Variants in UBAP2 observed in about 807,000 individuals in gnomAD.
UBAP2 encodes the protein ubiquitin-associated protein 2.
In UBAP2, 75 loss-of-function variants were observed where a neutral mutation model predicts 139.6. The ratio of observed to expected loss-of-function variants is 0.54; its 90% CI spans 0.45 to 0.65. UBAP2 has a LOEUF of 0.65. UBAP2 is among the 30% of genes least tolerant of loss of function. UBAP2 has a pLI of 0.00. For synonymous variants in UBAP2, 526 were observed against 526.2 expected, an observed-to-expected ratio of 1.00 and a Z score of 0.01; for missense variants, 1,368 against 1,369.6, an observed-to-expected ratio of 1.00 and a Z score of 0.02.
At chr9:33,926,783 G>A in intron 21 of UBAP2, 119 bp from the exon 22 acceptor site, 3 of 1,139,334 alleles carry the variant, frequency 2.6e-6, no homozygotes, top group Non-Finnish European at 4.0e-6. Flanking sequence ...ATGGGATCTG[G>A]ATTAGCTGTT....
intron 16 of UBAP2, among the ~76,000 whole-genome samples, chr9:33,939,091 C>T (rs1474376449): frequency 1.3e-5 from 2 of 151,602 alleles, no homozygotes; most frequent in African/African-American, 4.8e-5. Flanking sequence ...TTATATGTTC[C>T]AAGATTCTAT....
chr9:33,974,153 G>A (rs568492483), intron 6 of UBAP2, among the ~76,000 whole-genome samples: 17 of 152,244 alleles, frequency 1.1e-4, no homozygotes, highest in South Asian at 4.1e-4. Flanking sequence ...TCAAACCACT[G>A]TATGCAAGCC....
rs532759926 is a variant in UBAP2, at chr9:34,048,139, T to C, written c.-42+686A>G. 2.0e-5 allele frequency among the ~76,000 whole-genome samples: 3 copies of C among 152,316 alleles called. No homozygotes were observed. The South Asian group carries it at 6.2e-4, about 32-fold the overall frequency. ...GTGATTCAGAGGCAAACAACTGAGT[T>C]GTAATGCACCAATGAAAGAATAACA... is the stretch of plus-strand genomic sequence containing the variant. On this transcript the variant is annotated intron_variant, in intron 1 of 28. Coordinates refer to ENST00000379238, the MANE Select transcript of UBAP2 (RefSeq NM_001370062.2).
chr9:33,933,792 T>A, intron 17 of UBAP2, 164 bp from the exon 18 acceptor site: 1 of 481,438 alleles, frequency 2.1e-6, no homozygotes, highest in African/African-American at 2.1e-5. Context: ...CAGATAGCCC[T>A]TTGTCTGTCA....
Position 33,938,677 on chromosome 9 carries a change from T to C in UBAP2, c.1930-2799A>G, listed in dbSNP as rs144926944. Among the ~76,000 whole-genome samples, 330 of 151,212 alleles carry C rather than the reference T, an allele frequency of 2.2e-3. 1 individual carries two copies. Among genetic ancestry groups the C allele is most frequent in the African/African-American group, 7.4e-3 (303 of 41,178 alleles). On this transcript the variant is annotated intron_variant, in intron 16 of 28. Coordinates refer to ENST00000379238, the MANE Select transcript of UBAP2 (RefSeq NM_001370062.2). The stretch of plus-strand genomic sequence containing the variant: ...CCAGCATGGTGATGGGTGCCTGTAA[T>C]CACAGCTACTAGGGAGGCTGAGGCA...
intron 6 of UBAP2, among the ~76,000 whole-genome samples, chr9:33,985,322 A>G (rs1352134679): frequency 6.6e-6 from 1 of 152,210 alleles, no homozygotes; most frequent in Non-Finnish European, 1.5e-5. Flanking sequence ...ATGAGCATTT[A>G]TCATTTCTAT....
At chr9:33,991,163 G>A (rs1018766761) in intron 4 of UBAP2, among the ~76,000 whole-genome samples, 3 of 152,098 alleles carry the variant, frequency 2.0e-5, no homozygotes, top group Admixed American at 2.0e-4. Flanking sequence ...GCAGGCACCT[G>A]TAATCCCAGC....
In UBAP2 at chr9:33,948,597, G is replaced by A; in HGVS notation, c.1057-10C>T. 6.2e-7 allele frequency: 1 copy of A among 1,612,478 alleles called. No individual in the cohort carries two copies. Among genetic ancestry groups the A allele is most frequent in the South Asian group, 1.1e-5 (1 of 90,964 alleles). On this transcript the variant is annotated splice_polypyrimidine_tract_variant and intron_variant, in intron 12 of 28. Coordinates refer to ENST00000379238, the MANE Select transcript of UBAP2 (RefSeq NM_001370062.2). ...AGCCAAGGACGGATGACTTTAAAAGGGGGATAAAAGAACAAATCCTCAACA... is the reference window on the plus strand; with the variant it reads ...AGCCAAGGACGGATGACTTTAAAAGAGGGATAAAAGAACAAATCCTCAACA...
chr9:33,939,748 AGGGGGGGAG>A (rs1824926615), intron 16 of UBAP2, among the ~76,000 whole-genome samples: 1 of 44,446 alleles, frequency 2.2e-5, no homozygotes, highest in Non-Finnish European at 4.3e-5. Flanking sequence ...GGGAGGGAGA[AGGGGGGGAG>A]GGGGAGGGGG....
At chr9:34,036,200 C>T (rs888581523) in intron 1 of UBAP2, among the ~76,000 whole-genome samples, 11 of 151,496 alleles carry the variant, frequency 7.3e-5, no homozygotes, top group African/African-American at 2.7e-4. Flanking sequence ...CTGCAACCTC[C>T]GCCTCCCAGG....
chr9:34,020,465 G>A (rs1487314911), intron 1 of UBAP2, among the ~76,000 whole-genome samples: 1 of 151,726 alleles, frequency 6.6e-6, no homozygotes, highest in East Asian at 2.0e-4. Context: ...ACTGGGACCA[G>A]AGGCACGCGC....
At chr9:33,933,031 C>G (rs1824132413) in intron 18 of UBAP2, among the ~76,000 whole-genome samples, 1 of 152,238 alleles carries the variant, frequency 6.6e-6, no homozygotes, top group African/African-American at 2.4e-5. Flanking sequence ...TGATGGAGAA[C>G]ACTCCTCAGA....
intron 16 of UBAP2, among the ~76,000 whole-genome samples, chr9:33,937,289 C>G (rs920271180): frequency 2.0e-5 from 3 of 152,022 alleles, no homozygotes; most frequent in Non-Finnish European, 4.4e-5. Context: ...GTAAAATTAT[C>G]TAGCATGTAG....
intron 2 of UBAP2, among the ~76,000 whole-genome samples, chr9:34,016,251 G>A (rs183938457): frequency 0.023 from 422 of 18,188 alleles, 1 homozygote; most frequent in East Asian, 0.083. Context: ...AGGAAGAGGA[G>A]GAGGAGGAAG....
intron 15 of UBAP2, among the ~76,000 whole-genome samples, chr9:33,942,564 C>A (rs1222138814): frequency 1.3e-5 from 2 of 151,558 alleles, no homozygotes; most frequent in Non-Finnish European, 2.9e-5. Context: ...CCTGTCTCTA[C>A]AAAACATATT....
chr9:34,034,887 CA>C (rs56178729), intron 1 of UBAP2, among the ~76,000 whole-genome samples: 133,108 of 151,294 alleles, frequency 0.88, 58,569 homozygotes, highest in Middle Eastern at 0.95. Context: ...AACAAACAAA[CA>C]AAAAAAAAAC....
chr9:33,951,563 T>A (rs151038448), intron 12 of UBAP2, among the ~76,000 whole-genome samples: 11,939 of 151,754 alleles, frequency 0.079, 670 homozygotes, highest in Non-Finnish European at 0.12. Context: ...GCCAGGCTGG[T>A]CTCAAACTCC....
At chr9:33,989,443 T>C (rs772208658) in intron 4 of UBAP2, among the ~76,000 whole-genome samples, 14 of 152,136 alleles carry the variant, frequency 9.2e-5, no homozygotes, top group East Asian at 1.9e-4. Context: ...CCTCGTGATC[T>C]GCCCGCCTTG....
chr9:33,944,321 A>G (rs753932228), intron 14 of UBAP2, 44 bp downstream of exon 14: 3 of 1,597,144 alleles, frequency 1.9e-6, no homozygotes, highest in East Asian at 2.2e-5. Flanking sequence ...GAATGTAAAA[A>G]TAATTCCAGC....
Sources: gnomAD v4.1 joint callset for allele counts (sites outside exome capture counted in the v4.1 genomes callset) on GRCh38, gnomAD v4.1.1 for gene constraint, MANE v1.5 for transcripts, NCBI Gene and HGNC (gene_info 2026-07-23, HGNC 2026-07-21) for gene names.